The following CEP85 variants were observed in gnomAD, a reference collection of about 807,000 sequenced individuals.
The protein encoded by CEP85 is centrosomal protein of 85 kDa.
In CEP85, 58 loss-of-function variants were observed where a neutral mutation model predicts 93.7. The observed-to-expected ratio is 0.62, with a 90% CI of 0.50 to 0.77. The LOEUF is 0.77. CEP85 is among the 30% of genes least tolerant of loss of function. The probability of loss-of-function intolerance (pLI) is 0.00; values close to 1 mark genes in which losing one functional copy is unlikely to be tolerated. For missense variants in CEP85, 868 were observed against 922.0 expected, an observed-to-expected ratio of 0.94 and a Z score of 0.76; for synonymous variants, 314 against 338.6, an observed-to-expected ratio of 0.93 and a Z score of 0.80.
intron 7 of CEP85, among the ~76,000 whole-genome samples, chr1:26,264,938 A>G (rs1436720155): frequency 6.8e-6 from 1 of 146,806 alleles, no homozygotes; most frequent in Non-Finnish European, 1.5e-5. Context: ...TGCCTCAGCT[A>G]CCTGAGTAGC....
intron 4 of CEP85, among the ~76,000 whole-genome samples, chr1:26,257,172 A>G (rs754422810): frequency 2.6e-5 from 4 of 152,082 alleles, no homozygotes; most frequent in Non-Finnish European, 5.9e-5. Flanking sequence ...AGCTTGGGCA[A>G]TCTGCCCACC....
Position 26,257,733 on chromosome 1 carries a change from A to G in CEP85, c.1037+3A>G, listed in dbSNP as rs761022448. 3.7e-6 allele frequency: 6 copies of G among 1,614,070 alleles called. No homozygotes were observed. In the Admixed American group the frequency reaches 6.7e-5, roughly 18 times the overall value. Reference sequence around the variant, plus strand: ...GAAAAAGAGCTTCTCATTGACAAGTAAGAGGGCAAGGGGTACCACAGAGCC... The same window carrying G: ...GAAAAAGAGCTTCTCATTGACAAGTGAGAGGGCAAGGGGTACCACAGAGCC... On this transcript the variant is annotated splice_donor_region_variant and intron_variant, in intron 5 of 13. Coordinates refer to ENST00000451429, the MANE Select transcript of CEP85 (RefSeq NM_001319944.2).
At chr1:26,269,380 C>G in intron 8 of CEP85, 80 bp from the exon 9 acceptor site, 1 of 1,424,520 alleles carries the variant, frequency 7.0e-7, no homozygotes, top group Non-Finnish European at 9.8e-7. Context: ...AGTGCTATTT[C>G]TTTGTGACAC....
chr1:26,250,957 T>TTG (rs2089603528), intron 3 of CEP85, among the ~76,000 whole-genome samples: 2 of 104,510 alleles, frequency 1.9e-5, no homozygotes, highest in East Asian at 2.4e-4. Flanking sequence ...TTTTTTTTTT[T>TTG]TGAGACAGAG....
chr1:26,243,869 G>T (rs1307149352), intron 2 of CEP85, among the ~76,000 whole-genome samples: 1 of 151,606 alleles, frequency 6.6e-6, no homozygotes, highest in Non-Finnish European at 1.5e-5. Context: ...GTGGTGGTGG[G>T]CGCCTGTAAT....
intron 2 of CEP85, among the ~76,000 whole-genome samples, chr1:26,240,356 C>T (rs903264829): frequency 5.3e-5 from 8 of 152,132 alleles, no homozygotes; most frequent in Non-Finnish European, 1.0e-4. Flanking sequence ...AGACCTCCTG[C>T]AGATAGCAAA....
intron 4 of CEP85, 115 bp from the exon 5 acceptor site, chr1:26,257,482 C>T: frequency 2.5e-6 from 3 of 1,219,880 alleles, no homozygotes; most frequent in Non-Finnish European, 3.4e-6. Flanking sequence ...AACATTGGGC[C>T]TCATCAGGCT....
At chr1:26,273,932 A>ATAAAAT (rs1553161624) in intron 11 of CEP85, among the ~76,000 whole-genome samples, 29 of 145,808 alleles carry the variant, frequency 2.0e-4, no homozygotes, top group Admixed American at 3.4e-4. Context: ...AAATAAATAA[A>ATAAAAT]ATATATATAT....
At chr1:26,234,939 C>T (rs2089301501) in intron 1 of CEP85, among the ~76,000 whole-genome samples, 2 of 152,094 alleles carry the variant, frequency 1.3e-5, no homozygotes, top group African/African-American at 4.8e-5. Flanking sequence ...GCATCTAGTG[C>T]GAAGAAGCCA....
At chr1:26,270,907 G>A in intron 9 of CEP85, 107 bp from the exon 10 acceptor site, 1 of 697,240 alleles carries the variant, frequency 1.4e-6, no homozygotes, top group East Asian at 2.6e-5. Context: ...CCCAGCTACT[G>A]CTTGGACTAA....
At chr1:26,275,160 C>G (rs2090035685) in intron 12 of CEP85, 89 bp downstream of exon 12, 1 of 955,160 alleles carries the variant, frequency 1.0e-6, no homozygotes, top group East Asian at 2.6e-5. Context: ...AATAAGAGCC[C>G]CAGTGTTTGA....
intron 1 of CEP85, among the ~76,000 whole-genome samples, chr1:26,237,871 G>T (rs2089351496): frequency 6.6e-6 from 1 of 152,072 alleles, no homozygotes; most frequent in African/African-American, 2.4e-5. Context: ...GACAAGAAAG[G>T]AAATCACTAG....
chr1:26,251,308 A>G (rs865977798), intron 3 of CEP85, among the ~76,000 whole-genome samples: 21 of 143,062 alleles, frequency 1.5e-4, no homozygotes, highest in African/African-American at 4.2e-4. Context: ...CTGGAGTGCA[A>G]TGGTGCAATC....
intron 13 of CEP85, 34 bp from the exon 14 acceptor site, chr1:26,277,102 T>A (rs2090064743): frequency 6.2e-7 from 1 of 1,603,422 alleles, no homozygotes; most frequent in Non-Finnish European, 8.5e-7. Context: ...GTCTCATAAC[T>A]AACATTCTCT....
chr1:26,256,840 G>C (rs986695932), intron 4 of CEP85, among the ~76,000 whole-genome samples: 4 of 151,206 alleles, frequency 2.6e-5, no homozygotes, highest in Admixed American at 2.0e-4. Context: ...CTTGTGATCC[G>C]CCCGCCTCAG....
Position 26,258,133 on chromosome 1 carries a change from G to C in CEP85, c.1038-10G>C. 1 of 1,608,320 alleles carries C rather than the reference G, an allele frequency of 6.2e-7. No individual in the cohort carries two copies. Reference sequence around the variant, plus strand: ...TCAGGACCCTGACCTGATTCTACCGGCTTGTGCAGGCAGAGGAAACACATC... The same window carrying C: ...TCAGGACCCTGACCTGATTCTACCGCCTTGTGCAGGCAGAGGAAACACATC... On this transcript the variant is annotated splice_polypyrimidine_tract_variant and intron_variant, in intron 5 of 13. Coordinates refer to ENST00000451429, the MANE Select transcript of CEP85 (RefSeq NM_001319944.2).
Position 26,257,800 on chromosome 1 carries a change from C to T in CEP85, c.1037+70C>T, listed in dbSNP as rs902493872. 5.8e-6 allele frequency: 9 copies of T among 1,546,286 alleles called. No individual in the cohort carries two copies. The African/African-American group carries it at 1.1e-4, about 19-fold the overall frequency. ...CCCCATTGAAGACACCTAATGGAGTCTTCCCAAGGGCAAAGCATTCCTCCT... is the reference window on the plus strand; with the variant it reads ...CCCCATTGAAGACACCTAATGGAGTTTTCCCAAGGGCAAAGCATTCCTCCT... On this transcript the variant is annotated intron_variant, in intron 5 of 13. Transcript: ENST00000451429.
rs139864737 is a variant in CEP85 at position 26,240,275 on chromosome 1, C to T, written c.55+437C>T. ...GGAATTTATCTTCAGAATGGATTAA[C>T]AAGATTTTGAAACTTCAGTAGATAT... On this transcript the variant is annotated intron_variant, in intron 2 of 13. Transcript: ENST00000451429. 3.6e-3 allele frequency among the ~76,000 whole-genome samples: 555 copies of T among 152,198 alleles called. 5 individuals carry two copies. Among genetic ancestry groups the T allele is most frequent in the African/African-American group, 0.013 (543 of 41,524 alleles).
intron 2 of CEP85, among the ~76,000 whole-genome samples, chr1:26,240,188 C>T (rs1396786324): frequency 6.6e-6 from 1 of 152,116 alleles, no homozygotes; most frequent in African/African-American, 2.4e-5. Context: ...TCTGCTAGCC[C>T]ACAAAAATAG....
Sources: allele counts gnomAD v4.1 joint callset (sites outside exome capture counted in the v4.1 genomes callset), GRCh38; gene constraint gnomAD v4.1.1; transcripts MANE v1.5; gene names NCBI Gene and HGNC (gene_info 2026-07-23, HGNC 2026-07-21).